PSMD7: variants seen among roughly 807,000 people sequenced by gnomAD.
The protein encoded by PSMD7 is proteasome 26S subunit, non-ATPase 7.
PSMD7 carries 13 observed loss-of-function variants against 36.4 expected under a neutral mutation model. That is an observed-to-expected ratio of 0.36 (90% CI 0.23 to 0.57). PSMD7 has a LOEUF of 0.57. Ranked by LOEUF, PSMD7 falls within the 20% of genes least tolerant of loss-of-function variation. The probability of loss-of-function intolerance (pLI) is 0.83; values close to 1 mark genes in which losing one functional copy is unlikely to be tolerated. For synonymous variants in PSMD7, 186 were observed against 151.0 expected (o/e 1.23, Z -1.70); for missense variants, 298 against 393.6 (o/e 0.76, Z 2.06).
At chr16:74,303,421 C>A (rs1198743673) in intron 5 of PSMD7, among the ~76,000 whole-genome samples, 1 of 152,188 alleles carries the variant, frequency 6.6e-6, no homozygotes, top group Non-Finnish European at 1.5e-5. Flanking sequence ...TGCTGTCCTT[C>A]CTCCCTTACA....
rs140014748 is a variant in PSMD7, at chr16:74,305,455, G to A, written c.697G>A (p.Val233Ile). The change falls in exon 7 of 7, where the codon GTC becomes ATC. Residue 233 changes from valine (V) to isoleucine (I), a missense_variant. Val to Ile is a conservative substitution (Grantham distance 29). Coordinates refer to ENST00000219313, the MANE Select transcript of PSMD7 (RefSeq NM_002811.5). Reference sequence around the variant, plus strand: ...CCAGATCATCTACCAGCTGCAGGACGTCTTCAACCTGCTGCCAGATGTCAG... The same window carrying A: ...CCAGATCATCTACCAGCTGCAGGACATCTTCAACCTGCTGCCAGATGTCAG... ...NHQIIYQLQD[V>I]FNLLPDVSLQ... is the part of the protein sequence containing the mutation. 6.8e-6 allele frequency: 11 copies of A among 1,614,034 alleles called. No individual in the cohort carries two copies. The highest frequency in any genetic ancestry group is 5.3e-5 in the African/African-American group (4 of 74,924).
At position 74,305,636 on chromosome 16, in the gene PSMD7, A is replaced by G. The variant is rs1396410110; in HGVS notation, c.878A>G (p.Lys293Arg). 1 of 1,586,086 alleles carries G rather than the reference A, an allele frequency of 6.3e-7. No homozygotes were observed. The highest frequency in any genetic ancestry group is 1.3e-5 in the African/African-American group (1 of 74,306). ...GCAGAGAAGAAAGAAGGGCAGGAGA[A>G]AGAAGAGAGCAAAAAGGATAGGAAA... The part of the protein sequence containing the change: ...RDAEKKEGQE[K>R]EESKKDRKED... The change falls in exon 7 of 7, where the codon AAA (lysine) becomes AGA (arginine). Residue 293 changes from lysine to arginine, a missense_variant. Lys to Arg is a conservative substitution (Grantham distance 26). Coordinates refer to ENST00000219313, the MANE Select transcript of PSMD7 (RefSeq NM_002811.5).
chr16:74,297,507 G>T (rs539724018), intron 1 of PSMD7, among the ~76,000 whole-genome samples: 6 of 151,484 alleles, frequency 4.0e-5, no homozygotes, highest in Admixed American at 6.6e-5. Context: ...AATGCAAAGT[G>T]ACTGATGTCT....
At chr16:74,302,330 C>A (rs986135107) in intron 5 of PSMD7, 38 bp downstream of exon 5, 7 of 1,511,026 alleles carry the variant, frequency 4.6e-6, no homozygotes, top group African/African-American at 1.4e-5. Context: ...GGTTAGACTG[C>A]TACTTATTGG....
At position 74,296,843 on chromosome 16, in the gene PSMD7, A is replaced by T. The variant is rs2034115638; in HGVS notation, c.-72A>T. On this transcript the variant is annotated 5_prime_UTR_variant, in exon 1 of 7. Transcript: ENST00000219313. ...GAAGAGGAACTGGGCCTGAAAGGGT[A>T]CCGGTGACCGCTACTGCTGCCGGTG... 4 of 1,522,996 alleles carry T rather than the reference A, an allele frequency of 2.6e-6. No individual in the cohort carries two copies. Among genetic ancestry groups the T allele is most frequent in the Non-Finnish European group, 2.7e-6 (3 of 1,107,472 alleles). The allele number at this position is 1,522,996 out of a possible 1,614,324, so 94.3% of individuals were successfully genotyped here.
chr16:74,301,440 G>T, intron 3 of PSMD7, 115 bp from the exon 4 acceptor site: 1 of 752,124 alleles, frequency 1.3e-6, no homozygotes. Flanking sequence ...GGGTAAATAT[G>T]TCTGGAATTT....
chr16:74,301,468 A>G (rs1009145345), intron 3 of PSMD7, 87 bp from the exon 4 acceptor site: 2 of 1,001,494 alleles, frequency 2.0e-6, no homozygotes, highest in African/African-American at 1.6e-5. Flanking sequence ...GGTAAAGGAC[A>G]TAACTACTGA....
In PSMD7 at chr16:74,298,159, A is replaced by AG. The variant is rs1430205809; in HGVS notation, c.74+1171_74+1172insG. ...GGTGAGAGTGAGACCCTGTCTCCAA[A>AG]AAAAAAAAAAAAAAAAAGACCAGTT... On this transcript the variant is annotated intron_variant, in intron 1 of 6. Coordinates refer to ENST00000219313, the MANE Select transcript of PSMD7 (RefSeq NM_002811.5). Among the ~76,000 whole-genome samples, 34 of 149,654 alleles carry AG rather than the reference A, an allele frequency of 2.3e-4. No homozygotes were observed. The East Asian group carries it at 6.1e-3, about 27-fold the overall frequency.
At chr16:74,297,311 G>A (rs531198027) in intron 1 of PSMD7, among the ~76,000 whole-genome samples, 1 of 152,350 alleles carries the variant, frequency 6.6e-6, no homozygotes, top group Non-Finnish European at 1.5e-5. Flanking sequence ...GGGAGATGCG[G>A]CTAGCTTTAG....
At chr16:74,305,220 T>TAAGA in intron 6 of PSMD7, 69 bp from the exon 7 acceptor site, 1 of 1,479,616 alleles carries the variant, frequency 6.8e-7, no homozygotes, top group Non-Finnish European at 8.9e-7. Flanking sequence ...TCTTAGAATG[T>TAAGA]AAGAACTTGC....
rs762567354 is a variant in PSMD7 at position 74,305,245 on chromosome 16, C to A, written c.531-44C>A. ...TAAGAACTTGCCTGATAACATGGTA[C>A]CCTGATGCCTTTTCCTGCCCTTTTT... On this transcript the variant is annotated intron_variant, in intron 6 of 6. Coordinates refer to ENST00000219313, the MANE Select transcript of PSMD7 (RefSeq NM_002811.5). 1.9e-6 allele frequency: 3 copies of A among 1,554,404 alleles called. No homozygotes were observed. In the African/African-American group the frequency reaches 4.1e-5, roughly 21 times the overall value.
rs140870371 is a variant in PSMD7 at position 74,296,956 on chromosome 16, G to T, written c.42G>T (p.Leu14=). The T allele has an allele frequency of 5.6e-6, 9 of 1,613,200 alleles. No individual in the cohort carries two copies. The highest frequency in any genetic ancestry group is 7.6e-6 in the Non-Finnish European group (9 of 1,179,836). The part of the protein sequence containing the change: ...LAVQKVVVHP[L]VLLSVVDHFN... ...TGCAGAAGGTGGTGGTCCACCCCCT[G>T]GTGCTGCTCAGTGTGGTGGATCATT... The change falls in exon 1 of 7, where the codon CTG becomes CTT. Residue 14 remains leucine (L), a synonymous_variant. Coordinates refer to ENST00000219313, the MANE Select transcript of PSMD7 (RefSeq NM_002811.5).
chr16:74,299,253 C>G lies in PSMD7; in HGVS notation c.75-862C>G, dbSNP rs181861096. 3.9e-5 allele frequency among the ~76,000 whole-genome samples: 6 copies of G among 152,284 alleles called. No homozygotes were observed. The East Asian group carries it at 1.2e-3, about 29-fold the overall frequency. ...ATTTGCTAGTGGTTAAAAAATACTT[C>G]TTGAAGACCAAGGAAATGAGAGTGT... On this transcript the variant is annotated intron_variant, in intron 1 of 6. Coordinates refer to ENST00000219313, the MANE Select transcript of PSMD7 (RefSeq NM_002811.5).
At chr16:74,304,946 G>C (rs1220945582) in intron 6 of PSMD7, among the ~76,000 whole-genome samples, 1 of 152,168 alleles carries the variant, frequency 6.6e-6, no homozygotes, top group Non-Finnish European at 1.5e-5. Flanking sequence ...AAAGCTGAGA[G>C]AGACAGCTTC....
chr16:74,305,451 G>A lies in PSMD7; in HGVS notation c.693G>A (p.Gln231=). The change falls in exon 7 of 7, where the codon CAG becomes CAA. Residue 231 remains glutamine, a synonymous_variant. Transcript: ENST00000219313. ...PINHQIIYQL[Q]DVFNLLPDVS... ...ACCACCAGATCATCTACCAGCTGCA[G>A]GACGTCTTCAACCTGCTGCCAGATG... 1 of 1,614,176 alleles carries A rather than the reference G, an allele frequency of 6.2e-7. No individual in the cohort carries two copies. Among genetic ancestry groups the A allele is most frequent in the Non-Finnish European group, 8.5e-7 (1 of 1,180,036 alleles).
intron 5 of PSMD7, 69 bp from the exon 6 acceptor site, chr16:74,304,234 G>A: frequency 7.3e-7 from 1 of 1,364,930 alleles, no homozygotes; most frequent in Non-Finnish European, 1.0e-6. Context: ...AAGACTCAGG[G>A]TGCGAAAAGG....
At chr16:74,302,734 G>C (rs112202160) in intron 5 of PSMD7, among the ~76,000 whole-genome samples, 4 of 152,146 alleles carry the variant, frequency 2.6e-5, no homozygotes, top group African/African-American at 9.7e-5. Context: ...CAGTTGAGAC[G>C]CTGTCCCCCA....
chr16:74,305,063 T>G (rs1567526624), intron 6 of PSMD7: 1 of 609,912 alleles, frequency 1.6e-6, no homozygotes, highest in Non-Finnish European at 2.5e-6. Context: ...TTTATAATTG[T>G]TTTTTGAAAA....
intron 6 of PSMD7, 106 bp downstream of exon 6, chr16:74,304,500 C>A: frequency 1.1e-6 from 1 of 903,912 alleles, no homozygotes; most frequent in South Asian, 1.7e-5. Context: ...TCGTCCTGGC[C>A]GTCCACTAAC....
Sources: allele counts gnomAD v4.1 joint callset (sites outside exome capture counted in the v4.1 genomes callset), GRCh38; gene constraint gnomAD v4.1.1; transcripts MANE v1.5; gene names NCBI Gene and HGNC (gene_info 2026-07-23, HGNC 2026-07-21).